Variants in PDK1 observed in about 807,000 individuals in gnomAD.
PDK1 encodes the protein [Pyruvate dehydrogenase (acetyl-transferring)] kinase isozyme 1, mitochondrial.
PDK1 carries 39 observed loss-of-function variants against 54.2 expected under a neutral mutation model. The observed-to-expected ratio is 0.72, with a 90% confidence interval of 0.56 to 0.94. The LOEUF (loss-of-function observed/expected upper bound fraction) is 0.94, where lower values mean the gene tolerates loss of function less well. Ranked by LOEUF, PDK1 falls within the 40% of genes least tolerant of loss-of-function variation. The pLI, the probability that PDK1 is intolerant of heterozygous loss-of-function variation, is 0.00. For synonymous variants in PDK1, 221 were observed against 207.1 expected (o/e 1.07, Z -0.58); for missense variants, 552 against 566.0 (o/e 0.98, Z 0.25).
At chr2:172,648,244 C>G in the PDK1 span, among the ~76,000 whole-genome samples, 6 of 152,082 alleles carry the variant, frequency 3.9e-5, no homozygotes, top group Non-Finnish European at 8.8e-5. Context: ...TACTAATTGT[C>G]CTATGGTTAG....
intron 8 of PDK1, among the ~76,000 whole-genome samples, chr2:172,582,159 C>G (rs1257436507): frequency 6.6e-6 from 1 of 152,202 alleles, no homozygotes; most frequent in East Asian, 1.9e-4. Flanking sequence ...AGTGATCTGA[C>G]CACCTCAGAC....
chr2:172,709,549 A>G, the PDK1 span, among the ~76,000 whole-genome samples: 2 of 152,188 alleles, frequency 1.3e-5, no homozygotes, highest in Middle Eastern at 3.2e-3. Context: ...ATTCTTTGTG[A>G]GGGTGGATGT....
At chr2:172,713,339 C>A in the PDK1 span, among the ~76,000 whole-genome samples, 2 of 152,162 alleles carry the variant, frequency 1.3e-5, no homozygotes, top group African/African-American at 4.8e-5. Flanking sequence ...GCAGCCTGGT[C>A]CCCAGGCTTC....
chr2:172,594,795 C>A (rs995315936), intron 10 of PDK1, among the ~76,000 whole-genome samples: 2 of 152,108 alleles, frequency 1.3e-5, no homozygotes, highest in African/African-American at 4.8e-5. Flanking sequence ...GATGGAAATA[C>A]TACTGAAAAA....
At chr2:172,678,835 G>A in the PDK1 span, 14 of 152,296 alleles carry the variant, frequency 9.2e-5, no homozygotes, top group African/African-American at 3.4e-4. Flanking sequence ...TGAGAAACCA[G>A]GTTTATCAGA....
intron 8 of PDK1, among the ~76,000 whole-genome samples, chr2:172,579,525 C>CTTTTTTTTT (rs10660737): frequency 4.9e-5 from 6 of 122,556 alleles, no homozygotes; most frequent in African/African-American, 6.3e-5. Context: ...CCCGCTCTTT[C>CTTTTTTTTT]TTTTTTTTTT....
chr2:172,638,917 G>A, the PDK1 span, among the ~76,000 whole-genome samples: 1 of 152,172 alleles, frequency 6.6e-6, no homozygotes, highest in African/African-American at 2.4e-5. Flanking sequence ...TAAAAATGCT[G>A]ATAATCTATA....
chr2:172,693,449 G>A, the PDK1 span, among the ~76,000 whole-genome samples: 1 of 152,326 alleles, frequency 6.6e-6, no homozygotes, highest in South Asian at 2.1e-4. Context: ...CTGTAAAGTG[G>A]TAATAATGTT....
the PDK1 span, among the ~76,000 whole-genome samples, chr2:172,714,861 G>C: frequency 6.6e-6 from 1 of 152,094 alleles, no homozygotes. Flanking sequence ...ATTTTGTTCA[G>C]CTACTATGCC....
chr2:172,601,959 C>T lies in PDK1; in HGVS notation c.*5990C>T, dbSNP rs552329916. On this transcript the variant is annotated 3_prime_UTR_variant, in exon 11 of 11. Coordinates refer to ENST00000282077, the MANE Select transcript of PDK1 (RefSeq NM_002610.5). ...AGAAATGGATATATTTCTAGGAAAA[C>T]AGTAGAAGATCCATCTAAGATTTTG... The T allele has an allele frequency of 1.3e-5, 2 of 152,072 alleles. No individual in the cohort carries two copies. The highest frequency in any genetic ancestry group is 6.5e-5 in the Admixed American group (1 of 15,272). 9.4% of individuals were successfully genotyped at this position (152,072 alleles called of 1,614,324 possible). A position where few individuals can be genotyped will look rare whatever the true frequency, so the allele number is the denominator to read the frequency against.
the PDK1 span, among the ~76,000 whole-genome samples, chr2:172,632,340 A>ATAG: frequency 6.6e-6 from 1 of 152,204 alleles, no homozygotes; most frequent in African/African-American, 2.4e-5. Context: ...ATAGATTAAT[A>ATAG]TAGGAAAAAG....
the PDK1 span, among the ~76,000 whole-genome samples, chr2:172,702,766 A>G: frequency 6.6e-6 from 1 of 152,120 alleles, no homozygotes; most frequent in Non-Finnish European, 1.5e-5. Flanking sequence ...ATTCAGCTTT[A>G]CTAGCTGCTC....
chr2:172,570,591 G>A (rs1417297539), intron 7 of PDK1, 135 bp from the exon 8 acceptor site: 1 of 480,800 alleles, frequency 2.1e-6, no homozygotes, highest in African/African-American at 2.0e-5. Context: ...AACTTTAAAT[G>A]TGGTTATAAG....
chr2:172,680,903 A>G, the PDK1 span, among the ~76,000 whole-genome samples: 5 of 152,224 alleles, frequency 3.3e-5, no homozygotes. Flanking sequence ...TGGGATTGCC[A>G]TCAGGCTTTG....
chr2:172,707,309 C>T, the PDK1 span, among the ~76,000 whole-genome samples: 8 of 152,154 alleles, frequency 5.3e-5, no homozygotes, highest in Non-Finnish European at 8.8e-5. Context: ...GTCATTACAG[C>T]CTGGTGTGGT....
At chr2:172,690,771 T>C in the PDK1 span, among the ~76,000 whole-genome samples, 5 of 148,196 alleles carry the variant, frequency 3.4e-5, 1 homozygote, top group East Asian at 1.1e-3. Context: ...AAACAGTGCA[T>C]GTTCTCACTC....
Position 172,605,222 on chromosome 2 carries a change from A to T in PDK1, c.*9253A>T, listed in dbSNP as rs1427772756. On this transcript the variant is annotated 3_prime_UTR_variant, in exon 11 of 11. Coordinates refer to ENST00000282077, the MANE Select transcript of PDK1 (RefSeq NM_002610.5). ...CAGGAGGCACAAGAGATAGAACCAA[A>T]TACCATAATGCCTCCTTCTATTCCA... 6.6e-6 allele frequency: 1 copy of T among 152,100 alleles called. No homozygotes were observed. Among genetic ancestry groups the T allele is most frequent in the Non-Finnish European group, 1.5e-5 (1 of 68,028 alleles). 9.4% of individuals were successfully genotyped at this position (152,100 alleles called of 1,614,324 possible). A position where few individuals can be genotyped will look rare whatever the true frequency, so the allele number is the denominator to read the frequency against.
intron 2 of PDK1, among the ~76,000 whole-genome samples, chr2:172,561,839 GATA>G (rs1209109222): frequency 5.3e-5 from 8 of 152,088 alleles, no homozygotes; most frequent in African/African-American, 1.7e-4. Context: ...TCCTTTTACT[GATA>G]ATAAGACAAA....
chr2:172,672,397 A>G, the PDK1 span, among the ~76,000 whole-genome samples: 5 of 152,242 alleles, frequency 3.3e-5, no homozygotes, highest in East Asian at 7.7e-4. Context: ...TTATTTCACC[A>G]TTTGTTCTCT....
Sources: gnomAD v4.1 joint callset for allele counts (sites outside exome capture counted in the v4.1 genomes callset) on GRCh38, gnomAD v4.1.1 for gene constraint, MANE v1.5 for transcripts, NCBI Gene and HGNC (gene_info 2026-07-23, HGNC 2026-07-21) for gene names.